MAPK8IP3: variants seen among roughly 807,000 people sequenced by gnomAD.
MAPK8IP3 encodes C-Jun-amino-terminal kinase-interacting protein 3.
MAPK8IP3 carries 49 observed loss-of-function variants against 157.8 expected under a neutral mutation model. The observed-to-expected ratio is 0.31, with a 90% confidence interval of 0.25 to 0.39. The LOEUF is 0.39. Ranked by LOEUF, MAPK8IP3 falls within the 10% of genes least tolerant of loss-of-function variation. The probability of loss-of-function intolerance (pLI) is 1.00; values close to 1 mark genes in which losing one functional copy is unlikely to be tolerated. For synonymous variants in MAPK8IP3, 897 were observed against 777.7 expected, an observed-to-expected ratio of 1.15 and a Z score of -2.55; for missense variants, 1,478 against 1,889.4, an observed-to-expected ratio of 0.78 and a Z score of 4.04.
At position 1,758,133 on chromosome 16, in the gene MAPK8IP3, C is replaced by G. The variant is rs781662638; in HGVS notation, c.1217-15C>G. The G allele has an allele frequency of 6.2e-7, 1 of 1,613,692 alleles. No homozygotes were observed. The highest frequency in any genetic ancestry group is 1.3e-5 in the African/African-American group (1 of 75,054). On this transcript the variant is annotated splice_polypyrimidine_tract_variant and intron_variant, in intron 8 of 31. Coordinates refer to ENST00000610761, the MANE Select transcript of MAPK8IP3 (RefSeq NM_001318852.2). ...TTCCTTCCCCTGCCTCTCTGTGCGT[C>G]GCTGGACTCGCCAGGGGAGTTCTCA...
In MAPK8IP3 at chr16:1,745,116, CA is replaced by C. The variant is rs2040886905; in HGVS notation, c.747+1641del. 5 of 985,252 alleles carry C rather than the reference CA, an allele frequency of 5.1e-6. No individual in the cohort carries two copies. The African/African-American group carries it at 5.2e-5, about 10-fold the overall frequency. The allele number at this position is 985,252 out of a possible 1,614,324, so 61.0% of individuals were successfully genotyped here. The stretch of plus-strand genomic sequence containing the variant: ...GGTTTGCCTTTAGGTAAGTTGTGGC[CA>C]GGGGGAGTGTCCCATGGGTAAGTGG... On this transcript the variant is annotated intron_variant, in intron 5 of 31. Coordinates refer to ENST00000610761, the MANE Select transcript of MAPK8IP3 (RefSeq NM_001318852.2).
Position 1,748,702 on chromosome 16 carries a change from G to A in MAPK8IP3, c.1198G>A (p.Glu400Lys). Residue 400 changes from glutamate to lysine, a missense_variant, in exon 8 of 32, where the codon GAA becomes AAA. Physicochemically the swap from Glu to Lys is moderately conservative, Grantham distance 56. Coordinates refer to ENST00000610761, the MANE Select transcript of MAPK8IP3 (RefSeq NM_001318852.2). ...AGSEVIGDVD[E>K]GADLLGEFSV... ...GTCTGAGGTCATCGGGGATGTGGACGAAGGGGCCGACCTCCTAGGTAAGCG... is the reference window on the plus strand; with the variant it reads ...GTCTGAGGTCATCGGGGATGTGGACAAAGGGGCCGACCTCCTAGGTAAGCG... 6.2e-7 allele frequency: 1 copy of A among 1,614,092 alleles called. No homozygotes were observed. The highest frequency in any genetic ancestry group is 8.5e-7 in the Non-Finnish European group (1 of 1,179,944).
chr16:1,766,085 G>C lies in MAPK8IP3; in HGVS notation c.2572G>C (p.Val858Leu). 1.9e-6 allele frequency: 3 copies of C among 1,612,774 alleles called. No individual in the cohort carries two copies. Among genetic ancestry groups the C allele is most frequent in the Non-Finnish European group, 8.5e-7 (1 of 1,179,930 alleles). ...GGTGGGCTGTGCCACCCGCTGCAAC[G>C]TGCCGCGGAGCAACTGCTCCTCCCG... The part of the protein sequence containing the change: ...TLVGCATRCN[V>L]PRSNCSSRGD... Residue 858 changes from valine (V) to leucine (L), a missense_variant, in exon 21 of 32, where the codon GTG becomes CTG. Val to Leu is a conservative substitution (Grantham distance 32). Around this residue, in one of 11 missense-constraint regions of MAPK8IP3, gnomAD observed 669 missense variants for 759.8 expected, o/e 0.88. Transcript: ENST00000610761.
intron 7 of MAPK8IP3, 70 bp downstream of exon 7, chr16:1,748,416 G>A: frequency 7.4e-7 from 1 of 1,352,630 alleles, no homozygotes; most frequent in South Asian, 1.2e-5. Context: ...CTTTGGTGAA[G>A]TCTTCCTCTG....
In MAPK8IP3 at chr16:1,748,231, T is replaced by G; in HGVS notation, c.995-13T>G. 1 of 1,603,658 alleles carries G rather than the reference T, an allele frequency of 6.2e-7. No individual in the cohort carries two copies. Among genetic ancestry groups the G allele is most frequent in the Non-Finnish European group, 8.5e-7 (1 of 1,170,836 alleles). The stretch of plus-strand genomic sequence containing the variant: ...CCTCTCCTGACCCCAGGTGCCCCTG[T>G]GCTCTCCCCTAGGCATGGGCAGCAG... On this transcript the variant is annotated splice_polypyrimidine_tract_variant and intron_variant, in intron 6 of 31. Transcript: ENST00000610761.
chr16:1,747,208 C>T lies in MAPK8IP3; in HGVS notation c.927C>T (p.Ala309=). Residue 309 remains alanine, a synonymous_variant, in exon 6 of 32, where the codon GCC becomes GCT. Coordinates refer to ENST00000610761, the MANE Select transcript of MAPK8IP3 (RefSeq NM_001318852.2). ...TGGGCTCCAAGAACAGCAAGCGTGC[C>T]CGGGAGAAGCGCGACAGCCGCAACA... ...YGVGSKNSKR[A]REKRDSRNME... is the part of the protein sequence containing the mutation. 3 of 1,613,768 alleles carry T rather than the reference C, an allele frequency of 1.9e-6. No individual in the cohort carries two copies. The highest frequency in any genetic ancestry group is 2.5e-6 in the Non-Finnish European group (3 of 1,180,024).
At chr16:1,763,254 C>T (rs1354962026) in intron 16 of MAPK8IP3, among the ~76,000 whole-genome samples, 1 of 152,246 alleles carries the variant, frequency 6.6e-6, no homozygotes, top group Non-Finnish European at 1.5e-5. Flanking sequence ...CACCAACAGT[C>T]AGGGGGCTGT....
At chr16:1,717,031 C>T (rs1299547631) in intron 1 of MAPK8IP3, among the ~76,000 whole-genome samples, 1 of 151,606 alleles carries the variant, frequency 6.6e-6, no homozygotes, top group East Asian at 1.9e-4. Flanking sequence ...TGCACTCCAG[C>T]CTGGGCAACA....
intron 8 of MAPK8IP3, among the ~76,000 whole-genome samples, chr16:1,755,828 G>A (rs1180717720): frequency 2.7e-5 from 4 of 148,506 alleles, no homozygotes; most frequent in African/African-American, 1.0e-4. Context: ...CTCCAGCCTG[G>A]TGACAGAGTG....
chr16:1,735,247 T>A (rs2039595075), intron 4 of MAPK8IP3, among the ~76,000 whole-genome samples: 1 of 148,892 alleles, frequency 6.7e-6, no homozygotes, highest in Non-Finnish European at 1.5e-5. Context: ...TGACCATCGG[T>A]GTGAGCATCC....
chr16:1,736,777 ACCAT>A (rs369218512), intron 4 of MAPK8IP3, among the ~76,000 whole-genome samples: 11 of 45,780 alleles, frequency 2.4e-4, no homozygotes, highest in South Asian at 1.5e-3. Flanking sequence ...CGTCTGTGTG[ACCAT>A]CCGTGTGTGA....
At chr16:1,756,001 C>G (rs142277690) in intron 8 of MAPK8IP3, among the ~76,000 whole-genome samples, 45 of 152,234 alleles carry the variant, frequency 3.0e-4, no homozygotes, top group African/African-American at 1.1e-3. Flanking sequence ...TCGAGGCTGA[C>G]TAGGGTGGAG....
In MAPK8IP3 at chr16:1,768,514, C is replaced by A. The variant is rs1345016784; in HGVS notation, c.3780C>A (p.Asp1260Glu). 6.4e-7 allele frequency: 1 copy of A among 1,556,912 alleles called. No homozygotes were observed. The highest frequency in any genetic ancestry group is 1.2e-5 in the South Asian group (1 of 86,108). Residue 1260 changes from aspartate to glutamate, a missense_variant, in exon 31 of 32, where the codon GAC becomes GAA. Around this residue, in one of 11 missense-constraint regions of MAPK8IP3, gnomAD observed 133 missense variants for 133.4 expected, o/e 1.00. Transcript: ENST00000610761. ...CCACCCTGAATGGGAGTGTGCTGGA[C>A]AGCCCAGCCGAGGGCCCTGGGCCAG... ...VLATLNGSVL[D>E]SPAEGPGPAA...
intron 1 of MAPK8IP3, among the ~76,000 whole-genome samples, chr16:1,714,385 C>G (rs2038003197): frequency 6.6e-6 from 1 of 152,248 alleles, no homozygotes. Context: ...CATCATTACT[C>G]TGGTGCATTT....
chr16:1,733,873 G>A (rs193271039), intron 4 of MAPK8IP3, among the ~76,000 whole-genome samples: 1 of 152,238 alleles, frequency 6.6e-6, no homozygotes, highest in African/African-American at 2.4e-5. Flanking sequence ...CCACAACCAG[G>A]TCCTTCTGCC....
rs573486799 is a variant in MAPK8IP3, at chr16:1,766,713, C to T, written c.2940-10C>T. ...GTGAGCCCCTCGCCCATCGCCGCTT[C>T]CTTCCCTAGGCTCTATGTGCACTCG... On this transcript the variant is annotated splice_polypyrimidine_tract_variant and intron_variant, in intron 23 of 31. Coordinates refer to ENST00000610761, the MANE Select transcript of MAPK8IP3 (RefSeq NM_001318852.2). 3.1e-6 allele frequency: 5 copies of T among 1,612,744 alleles called. No homozygotes were observed. In the Admixed American group the frequency reaches 6.7e-5, roughly 21 times the overall value.
At chr16:1,728,251 G>A (rs1031005964) in intron 2 of MAPK8IP3, among the ~76,000 whole-genome samples, 6 of 152,222 alleles carry the variant, frequency 3.9e-5, no homozygotes, top group African/African-American at 9.6e-5. Context: ...GGGGCCTCCC[G>A]TTTAAGGGAG....
At position 1,724,495 on chromosome 16, in the gene MAPK8IP3, T is replaced by C. The variant is rs974355879; in HGVS notation, c.319-62T>C. Reference sequence around the variant, plus strand: ...CCCTCAAAGCCTGCGGCCCTTCAAGTGAAAGGCGGCTGCTCCACACTCACT... The same window carrying C: ...CCCTCAAAGCCTGCGGCCCTTCAAGCGAAAGGCGGCTGCTCCACACTCACT... On this transcript the variant is annotated intron_variant, in intron 1 of 31. Coordinates refer to ENST00000610761, the MANE Select transcript of MAPK8IP3 (RefSeq NM_001318852.2). This position sits in a 1 kb window ranked among gnomAD's most constrained non-coding sequence, Gnocchi z 4.1. 3.8e-6 allele frequency: 6 copies of C among 1,576,996 alleles called. No individual in the cohort carries two copies. The highest frequency in any genetic ancestry group is 4.3e-6 in the Non-Finnish European group (5 of 1,158,538).
In MAPK8IP3 at chr16:1,763,713, G is replaced by A; in HGVS notation, c.1955G>A (p.Arg652His). ...EQKREQYRQV[R>H]EHVRNDDGRL... is the part of the protein sequence containing the mutation. ...AAGCGCGAGCAGTACCGCCAGGTGCGTGAGCACGTGCGTAACGACGACGGC... is the reference window on the plus strand; with the variant it reads ...AAGCGCGAGCAGTACCGCCAGGTGCATGAGCACGTGCGTAACGACGACGGC... Residue 652 changes from arginine to histidine, a missense_variant, in exon 17 of 32, where the codon CGT becomes CAT. Physicochemically the swap from Arg to His is conservative, Grantham distance 29. This residue lies in a region of MAPK8IP3 where 669 missense variants were observed against 759.8 expected (regional missense o/e 0.88). Transcript: ENST00000610761. The A allele has an allele frequency of 1.3e-6, 2 of 1,596,440 alleles. No individual in the cohort carries two copies. Among genetic ancestry groups the A allele is most frequent in the Non-Finnish European group, 1.7e-6 (2 of 1,170,476 alleles).
Sources: allele counts gnomAD v4.1 joint callset (sites outside exome capture counted in the v4.1 genomes callset), GRCh38; gene constraint gnomAD v4.1.1; regional missense constraint gnomAD v4.1.1; non-coding constraint Gnocchi (gnomAD v3.1); transcripts MANE v1.5; gene names NCBI Gene and HGNC (gene_info 2026-07-23, HGNC 2026-07-21).